CPT1A: variants seen among roughly 807,000 people sequenced by gnomAD.
CPT1A encodes the protein carnitine O-palmitoyltransferase 1, liver isoform.
In CPT1A, 64 loss-of-function variants were observed where a neutral mutation model predicts 100.8. That is an observed-to-expected ratio of 0.63 (90% CI 0.52 to 0.78). CPT1A has a LOEUF of 0.78. Ranked by LOEUF, CPT1A falls within the 30% of genes least tolerant of loss-of-function variation. The pLI is 0.00. For synonymous variants in CPT1A, 363 were observed against 396.0 expected (o/e 0.92, Z 0.99); for missense variants, 802 against 1,034.1 (o/e 0.78, Z 3.08).
intron 7 of CPT1A, among the ~76,000 whole-genome samples, chr11:68,796,590 G>A (rs1162754645): frequency 6.6e-6 from 1 of 152,104 alleles, no homozygotes; most frequent in Admixed American, 6.6e-5. Context: ...AGCAGGACAG[G>A]TACAGCACAG....
intron 1 of CPT1A, among the ~76,000 whole-genome samples, chr11:68,818,908 G>A (rs112089016): frequency 3.3e-5 from 5 of 152,130 alleles, no homozygotes; most frequent in Non-Finnish European, 5.9e-5. Context: ...TAGTAGGCAC[G>A]CAGCCAACTC....
chr11:68,773,926 C>A lies in CPT1A; in HGVS notation c.1576-497G>T, dbSNP rs146417100. ...GCTTCCTCCAGCAGTGCTAGACAGG[C>A]AAGGGCAGAACACCTCAAGTGAGCA... is the stretch of plus-strand genomic sequence containing the variant. On this transcript the variant is annotated intron_variant, in intron 13 of 18. Transcript: ENST00000265641. 1,755 of 225,610 alleles carry A rather than the reference C, an allele frequency of 7.8e-3. 15 individuals are homozygous for A. The highest frequency in any genetic ancestry group is 0.017 in the Middle Eastern group (10 of 572). The allele number at this position is 225,610 out of a possible 1,614,324, so 14.0% of individuals were successfully genotyped here. A position where few individuals can be genotyped will look rare whatever the true frequency, so the allele number is the denominator to read the frequency against.
At chr11:68,798,192 C>T (rs758234224) in intron 6 of CPT1A, among the ~76,000 whole-genome samples, 31 of 152,192 alleles carry the variant, frequency 2.0e-4, no homozygotes, top group Non-Finnish European at 3.5e-4. Context: ...TGTCCCTTCA[C>T]AGCCTGCTGG....
intron 14 of CPT1A, among the ~76,000 whole-genome samples, chr11:68,768,040 G>T (rs1240833782): frequency 7.7e-6 from 1 of 130,412 alleles, no homozygotes; most frequent in Admixed American, 8.0e-5. Flanking sequence ...ATTGAGACCT[G>T]TCTCAGACAC....
At chr11:68,785,205 G>T (rs768581086) in intron 9 of CPT1A, among the ~76,000 whole-genome samples, 195 bp from the exon 10 acceptor site, 5 of 152,126 alleles carry the variant, frequency 3.3e-5, no homozygotes, top group Non-Finnish European at 5.9e-5. Flanking sequence ...GATCGGAGAG[G>T]CCTGACTTCT....
chr11:68,775,215 T>C (rs1855110404), intron 13 of CPT1A, 101 bp downstream of exon 13: 3 of 991,794 alleles, frequency 3.0e-6, no homozygotes, highest in Non-Finnish European at 4.8e-6. Flanking sequence ...TCAACTGAGC[T>C]CATGATAGGG....
At chr11:68,830,084 C>T (rs1594376882) in intron 1 of CPT1A, among the ~76,000 whole-genome samples, 1 of 152,110 alleles carries the variant, frequency 6.6e-6, no homozygotes, top group African/African-American at 2.4e-5. Flanking sequence ...CAAGACCAGC[C>T]TGGCCAACGT....
At chr11:68,800,852 T>G (rs1855887674) in intron 5 of CPT1A, among the ~76,000 whole-genome samples, 1 of 152,110 alleles carries the variant, frequency 6.6e-6, no homozygotes, top group Non-Finnish European at 1.5e-5. Context: ...CGGTGGCTTA[T>G]GCCTGTAACC....
rs1854990723 is a variant in CPT1A at position 68,771,555 on chromosome 11, TGTC to T, written c.1740+1707_1740+1709del. On this transcript the variant is annotated intron_variant, in intron 14 of 18. Coordinates refer to ENST00000265641, the MANE Select transcript of CPT1A (RefSeq NM_001876.4). ...CAATGATCTGTCACAGACAGGAGCT[TGTC>T]ACTGTGCTCCTGGTACTCTGCCCAG... Among the ~76,000 whole-genome samples, 3 of 152,332 alleles carry T rather than the reference TGTC, an allele frequency of 2.0e-5. No homozygotes were observed. The South Asian group carries it at 6.2e-4, about 32-fold the overall frequency.
intron 5 of CPT1A, 82 bp downstream of exon 5, chr11:68,803,918 T>C (rs1052832883): frequency 2.7e-6 from 3 of 1,096,056 alleles, no homozygotes; most frequent in Non-Finnish European, 4.2e-6. Flanking sequence ...CAAATGGCGG[T>C]GACCTAGTTC....
chr11:68,821,542 G>A (rs973965216), intron 1 of CPT1A, among the ~76,000 whole-genome samples: 53 of 151,454 alleles, frequency 3.5e-4, no homozygotes, highest in African/African-American at 1.3e-3. Flanking sequence ...CACCCACCTC[G>A]GCCTCCCAAA....
At chr11:68,765,181 C>T (rs567731961) in intron 14 of CPT1A, among the ~76,000 whole-genome samples, 5 of 152,278 alleles carry the variant, frequency 3.3e-5, no homozygotes, top group Admixed American at 1.3e-4. Flanking sequence ...AAAGGGAAAG[C>T]GGAAATGTGG....
intron 14 of CPT1A, among the ~76,000 whole-genome samples, chr11:68,770,573 A>G (rs1854960520): frequency 6.6e-6 from 1 of 152,192 alleles, no homozygotes; most frequent in African/African-American, 2.4e-5. Flanking sequence ...CCCCTTGACC[A>G]AGAGCTCTTA....
At chr11:68,811,237 G>C (rs934644829) in intron 3 of CPT1A, among the ~76,000 whole-genome samples, 2 of 152,118 alleles carry the variant, frequency 1.3e-5, no homozygotes, top group African/African-American at 4.8e-5. Flanking sequence ...ATTGACCTCA[G>C]GTGATCGACC....
chr11:68,811,614 G>A (rs1856210937), intron 3 of CPT1A, among the ~76,000 whole-genome samples: 1 of 152,184 alleles, frequency 6.6e-6, no homozygotes. Context: ...AGCTGGGTTT[G>A]AACTCTAGCT....
At chr11:68,830,154 G>A (rs540303551) in intron 1 of CPT1A, among the ~76,000 whole-genome samples, 7 of 152,278 alleles carry the variant, frequency 4.6e-5, no homozygotes, top group South Asian at 2.1e-4. Flanking sequence ...GGCGCACACC[G>A]GTGGTCCTAG....
chr11:68,783,659 G>A (rs558054873), intron 10 of CPT1A, among the ~76,000 whole-genome samples: 4 of 152,204 alleles, frequency 2.6e-5, no homozygotes, highest in African/African-American at 9.6e-5. Flanking sequence ...CCTGATGCTG[G>A]GCAATGTCTG....
intron 1 of CPT1A, among the ~76,000 whole-genome samples, chr11:68,819,236 G>A (rs75725438): frequency 2.0e-5 from 3 of 152,032 alleles, no homozygotes; most frequent in East Asian, 3.9e-4. Flanking sequence ...CTGCCACCAC[G>A]CCTGGCTAAT....
intron 14 of CPT1A, among the ~76,000 whole-genome samples, chr11:68,771,033 A>G (rs921288633): frequency 2.0e-5 from 3 of 152,224 alleles, no homozygotes; most frequent in Non-Finnish European, 4.4e-5. Flanking sequence ...TACATGGCAC[A>G]GTGGCTGGTG....
Sources: gnomAD v4.1 joint callset for allele counts (sites outside exome capture counted in the v4.1 genomes callset) on GRCh38, gnomAD v4.1.1 for gene constraint, MANE v1.5 for transcripts, NCBI Gene and HGNC (gene_info 2026-07-23, HGNC 2026-07-21) for gene names.